Variants in RSBN1L observed in about 807,000 individuals in gnomAD.
RSBN1L encodes round spermatid basic protein 1 like, also known as lysine-specific demethylase RSBN1L.
RSBN1L carries 30 observed loss-of-function variants against 67.7 expected under a neutral mutation model. The ratio of observed to expected loss-of-function variants is 0.44; its 90% CI spans 0.33 to 0.60. The LOEUF is 0.60. RSBN1L is among the 20% of genes least tolerant of loss of function. The pLI, the probability that RSBN1L is intolerant of heterozygous loss-of-function variation, is 0.02. For missense variants in RSBN1L, 992 were observed against 1,031.7 expected, an observed-to-expected ratio of 0.96 and a Z score of 0.53; for synonymous variants, 433 against 387.0, an observed-to-expected ratio of 1.12 and a Z score of -1.39.
chr7:77,725,583 T>C (rs117293279), intron 1 of RSBN1L, among the ~76,000 whole-genome samples: 2,786 of 151,152 alleles, frequency 0.018, 38 homozygotes, highest in Middle Eastern at 0.073. Context: ...TGCATTTACA[T>C]ATGTACATAT....
chr7:77,768,281 G>GT (rs201214235), intron 4 of RSBN1L: 343 of 158,436 alleles, frequency 2.2e-3, no homozygotes, highest in African/African-American at 7.9e-3. Flanking sequence ...AATCAAAGAG[G>GT]TATCCAGTTT....
intron 6 of RSBN1L, 63 bp downstream of exon 6, chr7:77,773,377 A>G: frequency 8.4e-7 from 1 of 1,186,388 alleles, no homozygotes; most frequent in South Asian, 2.4e-5. Flanking sequence ...TTTCTTGGAA[A>G]ATCTTAGTAA....
At chr7:77,707,540 T>G (rs1046904250) in intron 1 of RSBN1L, among the ~76,000 whole-genome samples, 1 of 152,220 alleles carries the variant, frequency 6.6e-6, no homozygotes, top group Non-Finnish European at 1.5e-5. Flanking sequence ...GATATTTAAC[T>G]CAGAGCCACT....
At chr7:77,729,378 A>C (rs1174694701) in intron 1 of RSBN1L, among the ~76,000 whole-genome samples, 1 of 152,202 alleles carries the variant, frequency 6.6e-6, no homozygotes, top group Non-Finnish European at 1.5e-5. Flanking sequence ...AGCCCTCATG[A>C]CTTTAATAAT....
intron 1 of RSBN1L, among the ~76,000 whole-genome samples, chr7:77,727,604 A>C (rs903987188): frequency 4.0e-5 from 6 of 149,616 alleles, no homozygotes; most frequent in African/African-American, 1.5e-4. Flanking sequence ...GTCCCACCTT[A>C]CTCAGCTAAT....
rs778958476 is a variant in RSBN1L at position 77,696,781 on chromosome 7, C to A, written c.312C>A (p.Phe104Leu). ...CCCCGTCCTCTTCTCGGAGCAGTTTCTCTTTCTCCGCTGGCACGGCCGTTC... is the reference window on the plus strand; with the variant it reads ...CCCCGTCCTCTTCTCGGAGCAGTTTATCTTTCTCCGCTGGCACGGCCGTTC... ...APSPSSSRSS[F>L]SFSAGTAVPS... The change falls in exon 1 of 8, where the codon TTC (phenylalanine) becomes TTA (leucine). Residue 104 changes from phenylalanine to leucine, a missense_variant. Physicochemically the swap from Phe to Leu is conservative, Grantham distance 22 (BLOSUM62 0). Transcript: ENST00000334955. 1.9e-6 allele frequency: 3 copies of A among 1,613,816 alleles called. No individual in the cohort carries two copies. The highest frequency in any genetic ancestry group is 2.5e-6 in the Non-Finnish European group (3 of 1,180,018).
chr7:77,730,199 C>A (rs565029095), intron 1 of RSBN1L, among the ~76,000 whole-genome samples: 4 of 152,172 alleles, frequency 2.6e-5, no homozygotes, highest in African/African-American at 9.6e-5. Context: ...TCTGTTTCTC[C>A]CACTCCCCTT....
At chr7:77,740,528 C>T (rs1791394237) in intron 2 of RSBN1L, among the ~76,000 whole-genome samples, 1 of 151,790 alleles carries the variant, frequency 6.6e-6, no homozygotes, top group African/African-American at 2.4e-5. Flanking sequence ...TCCCAGAGGC[C>T]AAAAGTTGAG....
chr7:77,703,697 A>C (rs182147931), intron 1 of RSBN1L, among the ~76,000 whole-genome samples: 1 of 152,076 alleles, frequency 6.6e-6, no homozygotes, highest in African/African-American at 2.4e-5. Flanking sequence ...TATGTTGGCC[A>C]GGCTGGTCTC....
intron 1 of RSBN1L, among the ~76,000 whole-genome samples, chr7:77,699,277 C>T (rs1044337517): frequency 1.3e-5 from 2 of 152,108 alleles, no homozygotes; most frequent in African/African-American, 4.8e-5. Flanking sequence ...GACACCTAAA[C>T]AAGGAAGAGA....
intron 1 of RSBN1L, among the ~76,000 whole-genome samples, chr7:77,716,534 A>G (rs373752281): frequency 4.4e-5 from 6 of 136,216 alleles, no homozygotes; most frequent in Non-Finnish European, 9.2e-5. Context: ...CGCTCTAGAT[A>G]TTTTCATTAA....
At position 77,752,489 on chromosome 7, in the gene RSBN1L, T is replaced by C. The variant is rs532377699; in HGVS notation, c.1344+2425T>C. On this transcript the variant is annotated intron_variant, in intron 3 of 7. Transcript: ENST00000334955. ...TTGATTTGTCCTTAGGCACTGGCTT[T>C]ATGAAACTGAATGGGATCCAGAAGA... 5.9e-5 allele frequency among the ~76,000 whole-genome samples: 9 copies of C among 152,282 alleles called. No individual in the cohort carries two copies. In the South Asian group the frequency reaches 1.7e-3, roughly 28 times the overall value.
At chr7:77,728,678 A>T (rs1199679969) in intron 1 of RSBN1L, among the ~76,000 whole-genome samples, 1 of 152,240 alleles carries the variant, frequency 6.6e-6, no homozygotes, top group East Asian at 1.9e-4. Flanking sequence ...GGATTAAGGC[A>T]GAAATTGTTT....
chr7:77,724,129 A>G (rs893146142), intron 1 of RSBN1L, among the ~76,000 whole-genome samples: 29 of 152,082 alleles, frequency 1.9e-4, no homozygotes, highest in African/African-American at 6.5e-4. Context: ...GATTAACTAT[A>G]GCATAACATC....
chr7:77,713,988 C>A (rs1158450481), intron 1 of RSBN1L, among the ~76,000 whole-genome samples: 3 of 152,076 alleles, frequency 2.0e-5, no homozygotes, highest in African/African-American at 7.2e-5. Flanking sequence ...GTTTTAACAT[C>A]ATTTATTGAC....
chr7:77,698,895 G>A (rs1292249654), intron 1 of RSBN1L, among the ~76,000 whole-genome samples: 4 of 151,920 alleles, frequency 2.6e-5, no homozygotes. Context: ...AAATTTAATG[G>A]TGAAAATTTT....
At chr7:77,769,122 G>C (rs567114798) in intron 5 of RSBN1L, among the ~76,000 whole-genome samples, 3 of 152,270 alleles carry the variant, frequency 2.0e-5, no homozygotes, top group African/African-American at 7.2e-5. Flanking sequence ...TATAAAGTAA[G>C]ATCAGAACAA....
chr7:77,734,701 C>G (rs777524753), intron 1 of RSBN1L, among the ~76,000 whole-genome samples: 3 of 152,086 alleles, frequency 2.0e-5, no homozygotes, highest in Non-Finnish European at 4.4e-5. Context: ...ATTGACCAGG[C>G]TTGTCTTGAA....
chr7:77,772,808 A>G (rs1791865869), intron 5 of RSBN1L, among the ~76,000 whole-genome samples: 1 of 152,190 alleles, frequency 6.6e-6, no homozygotes, highest in African/African-American at 2.4e-5. Context: ...CATTTGTTTC[A>G]GATATATATC....
Sources: allele counts gnomAD v4.1 joint callset (sites outside exome capture counted in the v4.1 genomes callset), GRCh38; gene constraint gnomAD v4.1.1; transcripts MANE v1.5; gene names NCBI Gene and HGNC (gene_info 2026-07-23, HGNC 2026-07-21).